Variants in CARM1 observed in about 807,000 individuals in gnomAD.
The protein encoded by CARM1 is coactivator associated arginine methyltransferase 1, also known as histone-arginine methyltransferase CARM1.
In CARM1, 14 loss-of-function variants were observed where a neutral mutation model predicts 72.7. The ratio of observed to expected loss-of-function variants is 0.19; its 90% confidence interval spans 0.13 to 0.30. The LOEUF (loss-of-function observed/expected upper bound fraction) is 0.30. CARM1 is among the 10% of genes least tolerant of loss of function. The probability of loss-of-function intolerance (pLI) is 1.00; values close to 1 mark genes in which losing one functional copy is unlikely to be tolerated. For missense variants in CARM1, 432 were observed against 833.7 expected (o/e 0.52, Z 5.93); for synonymous variants, 333 against 345.5 (o/e 0.96, Z 0.40).
intron 8 of CARM1, among the ~76,000 whole-genome samples, chr19:10,917,545 T>C (rs2074207770): frequency 6.6e-6 from 1 of 152,120 alleles, no homozygotes; most frequent in African/African-American, 2.4e-5. Flanking sequence ...TCATTCGTTT[T>C]GGGAGACTCT....
chr19:10,894,060 G>A (rs1007778542), intron 1 of CARM1, among the ~76,000 whole-genome samples: 3 of 152,220 alleles, frequency 2.0e-5, no homozygotes, highest in Non-Finnish European at 2.9e-5. Context: ...TGGAAACAAG[G>A]TCACCTCTGC....
chr19:10,908,424 A>G, intron 3 of CARM1: 1 of 393,518 alleles, frequency 2.5e-6, no homozygotes, highest in Non-Finnish European at 4.8e-6. Context: ...ACGGTAGAGC[A>G]GTTACAATGC....
At chr19:10,894,192 C>G (rs991343691) in intron 1 of CARM1, among the ~76,000 whole-genome samples, 7 of 152,254 alleles carry the variant, frequency 4.6e-5, no homozygotes, top group Non-Finnish European at 7.4e-5. Context: ...ACTGCCAGTT[C>G]CTGTTGTCCG....
intron 1 of CARM1, among the ~76,000 whole-genome samples, chr19:10,895,349 C>T (rs934374284): frequency 2.0e-5 from 3 of 152,234 alleles, no homozygotes; most frequent in South Asian, 2.1e-4. Context: ...AAGCGATCCA[C>T]GTGCCTTGGC....
At chr19:10,882,246 G>C (rs953833512) in intron 1 of CARM1, among the ~76,000 whole-genome samples, 3 of 152,214 alleles carry the variant, frequency 2.0e-5, no homozygotes, top group African/African-American at 7.2e-5. Context: ...ATGAACTTGT[G>C]GGCCTGGCAT....
intron 1 of CARM1, among the ~76,000 whole-genome samples, chr19:10,901,492 A>AT (rs796951506): frequency 2.0e-5 from 3 of 150,280 alleles, no homozygotes; most frequent in Admixed American, 6.7e-5. Flanking sequence ...AATTTTGTTT[A>AT]TTTTTTTGTA....
At chr19:10,907,976 C>G in intron 2 of CARM1, 63 bp from the exon 3 acceptor site, 1 of 995,238 alleles carries the variant, frequency 1.0e-6, no homozygotes, top group Non-Finnish European at 1.6e-6. Flanking sequence ...AGAACCTTCC[C>G]TCCCAGATGG....
At chr19:10,889,824 A>G (rs2073968133) in intron 1 of CARM1, among the ~76,000 whole-genome samples, 1 of 152,272 alleles carries the variant, frequency 6.6e-6, no homozygotes, top group East Asian at 1.9e-4. Context: ...AATGCAGCCA[A>G]CACCTGTGCA....
chr19:10,892,881 C>T (rs1251665280), intron 1 of CARM1, among the ~76,000 whole-genome samples: 1 of 151,630 alleles, frequency 6.6e-6, no homozygotes, highest in East Asian at 1.9e-4. Context: ...TACAGGTGCC[C>T]GCCACCATGT....
At chr19:10,904,867 AG>A in intron 1 of CARM1, 83 bp from the exon 2 acceptor site, 1 of 1,554,282 alleles carries the variant, frequency 6.4e-7, no homozygotes. Flanking sequence ...AAGGGGAGGC[AG>A]CAGGAGGGCG....
chr19:10,918,831 C>T (rs1036797325), intron 8 of CARM1, among the ~76,000 whole-genome samples: 5 of 152,240 alleles, frequency 3.3e-5, no homozygotes, highest in Non-Finnish European at 7.3e-5. Flanking sequence ...GGGCATTTCC[C>T]TCCTTTCCAG....
At chr19:10,899,440 T>C (rs2074048146) in intron 1 of CARM1, among the ~76,000 whole-genome samples, 1 of 152,242 alleles carries the variant, frequency 6.6e-6, no homozygotes, top group Non-Finnish European at 1.5e-5. Flanking sequence ...CAAGGTTGGA[T>C]GTCCCTTCCT....
At chr19:10,878,131 C>T (rs1401377355) in intron 1 of CARM1, among the ~76,000 whole-genome samples, 1 of 152,110 alleles carries the variant, frequency 6.6e-6, no homozygotes, top group African/African-American at 2.4e-5. Flanking sequence ...AGTCACGAAC[C>T]GCTGGGCCCG....
At chr19:10,876,154 C>T (rs1044283255) in intron 1 of CARM1, among the ~76,000 whole-genome samples, 2 of 152,118 alleles carry the variant, frequency 1.3e-5, no homozygotes, top group Admixed American at 1.3e-4. Flanking sequence ...GCTGGGATTA[C>T]AGGTGTGAGC....
At chr19:10,879,595 G>T (rs1025029361) in intron 1 of CARM1, among the ~76,000 whole-genome samples, 1 of 152,078 alleles carries the variant, frequency 6.6e-6, no homozygotes, top group African/African-American at 2.4e-5. Context: ...TGGAAACAGG[G>T]CTGGGTTGGA....
chr19:10,914,890 G>C (rs113350172), intron 6 of CARM1, among the ~76,000 whole-genome samples: 2,173 of 152,300 alleles, frequency 0.014, 41 homozygotes, highest in African/African-American at 0.05. Flanking sequence ...TCTGTCTTGG[G>C]GTCTGTGCAG....
chr19:10,917,288 C>CATCCTGGCT (rs1397905966), intron 8 of CARM1, among the ~76,000 whole-genome samples: 2 of 151,894 alleles, frequency 1.3e-5, no homozygotes, highest in Non-Finnish European at 2.9e-5. Context: ...AGATTGAGAC[C>CATCCTGGCT]AACACGGTGA....
intron 1 of CARM1, among the ~76,000 whole-genome samples, chr19:10,900,717 T>A (rs1255206172): frequency 6.6e-6 from 1 of 152,166 alleles, no homozygotes; most frequent in Non-Finnish European, 1.5e-5. Flanking sequence ...TGAGTCTGGC[T>A]CTGTCGCCCA....
rs777279703 is a variant in CARM1, at chr19:10,888,537, T to C, written c.221-16414T>C. 6.9e-4 allele frequency among the ~76,000 whole-genome samples: 105 copies of C among 152,186 alleles called. 1 individual carries two copies. Among genetic ancestry groups the C allele is most frequent in the Non-Finnish European group, 2.1e-4 (14 of 68,042 alleles). The stretch of plus-strand genomic sequence containing the variant: ...CTCCATAAATCACAGCTTCAAAGTC[T>C]TGGCCCGCGGGAGAAGAAAGACTGG... On this transcript the variant is annotated intron_variant, in intron 1 of 15. Coordinates refer to ENST00000327064, the MANE Select transcript of CARM1 (RefSeq NM_199141.2).
Sources: allele counts gnomAD v4.1 joint callset (sites outside exome capture counted in the v4.1 genomes callset), GRCh38; gene constraint gnomAD v4.1.1; transcripts MANE v1.5; gene names NCBI Gene and HGNC (gene_info 2026-07-23, HGNC 2026-07-21).